Variants in DIAPH1 observed in about 807,000 individuals in gnomAD.
The protein encoded by DIAPH1 is protein diaphanous homolog 1.
In DIAPH1, 46 loss-of-function variants were observed where a neutral mutation model predicts 140.7. The observed-to-expected ratio is 0.33, with a 90% CI of 0.26 to 0.42. The LOEUF (loss-of-function observed/expected upper bound fraction) is 0.42. DIAPH1 is among the 10% of genes least tolerant of loss of function. DIAPH1 has a pLI of 1.00. For synonymous variants in DIAPH1, 565 were observed against 551.6 expected (o/e 1.02, Z -0.34); for missense variants, 1,310 against 1,558.7 (o/e 0.84, Z 2.69).
chr5:141,578,559 T>G lies in DIAPH1; in HGVS notation c.1000A>C (p.Ile334Leu). Residue 334 changes from isoleucine (I) to leucine (L), a missense_variant, in exon 10 of 28, where the codon ATC (isoleucine) becomes CTC (leucine). By Grantham distance (5) the Ile-to-Leu change is conservative. Transcript: ENST00000389054. The part of the protein sequence containing the change: ...PAEELDFRVH[I>L]RSELMRLGLH... ...CCCAAACGCATCAGTTCACTTCTGA[T>G]GTGAACTCGGAAGTCAAGTTCCTCC... 6.2e-7 allele frequency: 1 copy of G among 1,613,914 alleles called. No homozygotes were observed. The highest frequency in any genetic ancestry group is 2.2e-5 in the East Asian group (1 of 44,880).
At chr5:141,583,107 C>T in intron 6 of DIAPH1, 99 bp downstream of exon 6, 1 of 1,075,078 alleles carries the variant, frequency 9.3e-7, no homozygotes, top group Non-Finnish European at 1.5e-6. Flanking sequence ...TCCCCTAGCC[C>T]ACAACTTTAC....
intron 26 of DIAPH1, among the ~76,000 whole-genome samples, chr5:141,525,050 T>G (rs1295718132): frequency 1.3e-5 from 2 of 152,108 alleles, no homozygotes; most frequent in Admixed American, 6.5e-5. Context: ...CTTCCCCCAC[T>G]GCATCCTAGC....
In DIAPH1 at chr5:141,555,129, G is replaced by A. The variant is rs113834219; in HGVS notation, c.2482+16299C>T. 6.8e-3 allele frequency among the ~76,000 whole-genome samples: 1,035 copies of A among 152,168 alleles called. 16 individuals are homozygous for A. The highest frequency in any genetic ancestry group is 0.023 in the African/African-American group (966 of 41,524). On this transcript the variant is annotated intron_variant, in intron 18 of 27. Coordinates refer to ENST00000389054, the MANE Select transcript of DIAPH1 (RefSeq NM_005219.5). ...AAGAAGAACTAAGATACACACACAC[G>A]TCCCCCTCTGATTACAACCATGTAA...
chr5:141,585,230 C>T (rs1266482165), intron 3 of DIAPH1, among the ~76,000 whole-genome samples: 1 of 152,124 alleles, frequency 6.6e-6, no homozygotes, highest in Non-Finnish European at 1.5e-5. Flanking sequence ...GCTGGGATTA[C>T]AGGTGTGAGC....
intron 18 of DIAPH1, among the ~76,000 whole-genome samples, chr5:141,538,552 C>T (rs569830131): frequency 3.9e-5 from 6 of 152,280 alleles, no homozygotes; most frequent in South Asian, 2.1e-4. Flanking sequence ...CCTGCCTCAG[C>T]GTCCCGAGTA....
intron 18 of DIAPH1, among the ~76,000 whole-genome samples, chr5:141,554,917 C>T (rs1159736308): frequency 6.6e-6 from 1 of 151,858 alleles, no homozygotes; most frequent in Non-Finnish European, 1.5e-5. Context: ...ATACCAAAAG[C>T]TACAGGCAAA....
chr5:141,588,163 G>A (rs1301207273), intron 2 of DIAPH1, 61 bp downstream of exon 2: 30 of 1,375,910 alleles, frequency 2.2e-5, no homozygotes, highest in Non-Finnish European at 2.9e-5. Context: ...ATGAAAACTG[G>A]TAAATATGAT....
chr5:141,591,146 C>T (rs1179608707), intron 1 of DIAPH1, among the ~76,000 whole-genome samples: 4 of 152,122 alleles, frequency 2.6e-5, no homozygotes, highest in South Asian at 2.1e-4. Context: ...AAACAGATGA[C>T]GCTGCCTCAA....
At chr5:141,593,581 C>T (rs2099898828) in intron 1 of DIAPH1, among the ~76,000 whole-genome samples, 1 of 152,108 alleles carries the variant, frequency 6.6e-6, no homozygotes, top group Admixed American at 6.6e-5. Context: ...CAACATGTAC[C>T]ACTAGGCACA....
intron 18 of DIAPH1, among the ~76,000 whole-genome samples, chr5:141,567,272 C>T (rs1440591810): frequency 6.6e-6 from 1 of 152,098 alleles, no homozygotes; most frequent in Non-Finnish European, 1.5e-5. Flanking sequence ...GTTTAGGTTC[C>T]TTTTTTATAT....
At chr5:141,543,795 A>C (rs562848293) in intron 18 of DIAPH1, among the ~76,000 whole-genome samples, 2 of 152,306 alleles carry the variant, frequency 1.3e-5, no homozygotes, top group South Asian at 2.1e-4. Flanking sequence ...TACACACACA[A>C]AAAATGGGAT....
chr5:141,545,707 GAAATA>G (rs1182953784), intron 18 of DIAPH1, among the ~76,000 whole-genome samples: 2 of 152,094 alleles, frequency 1.3e-5, no homozygotes, highest in African/African-American at 4.8e-5. Context: ...AGCAAATAAA[GAAATA>G]AAAGAAATTC....
At chr5:141,531,121 T>C (rs181927917) in intron 19 of DIAPH1, among the ~76,000 whole-genome samples, 1 of 152,292 alleles carries the variant, frequency 6.6e-6, no homozygotes, top group African/African-American at 2.4e-5. Flanking sequence ...ACTTAGAGAA[T>C]ATACTTTAAG....
At chr5:141,595,755 G>GT (rs2099899216) in intron 1 of DIAPH1, among the ~76,000 whole-genome samples, 1 of 152,108 alleles carries the variant, frequency 6.6e-6, no homozygotes, top group Non-Finnish European at 1.5e-5. Flanking sequence ...CCAGTCTCAG[G>GT]TATTTCTTCA....
intron 8 of DIAPH1, among the ~76,000 whole-genome samples, chr5:141,579,878 G>T (rs2099896485): frequency 6.6e-6 from 1 of 151,552 alleles, no homozygotes; most frequent in Admixed American, 6.6e-5. Context: ...AACCTGGGAG[G>T]AGGAGTTTGC....
chr5:141,605,911 T>C (rs894114284), intron 1 of DIAPH1, among the ~76,000 whole-genome samples: 1 of 152,160 alleles, frequency 6.6e-6, no homozygotes, highest in East Asian at 1.9e-4. Context: ...CGAACAGCCC[T>C]GGCGGATGCA....
Position 141,618,906 on chromosome 5 carries a change from C to G in DIAPH1, c.9G>C (p.Pro3=), listed in dbSNP as rs1277870477. ME[P]PGGSLGPGRG... ...GGCCGGGCCCCAGGCTCCCGCCGGG[C>G]GGCTCCATGTCCCGGTTCACGCTGG... The change falls in exon 1 of 28, where the codon CCG becomes CCC. Residue 3 remains proline, a synonymous_variant. Coordinates refer to ENST00000389054, the MANE Select transcript of DIAPH1 (RefSeq NM_005219.5). 2 of 1,509,040 alleles carry G rather than the reference C, an allele frequency of 1.3e-6. No individual in the cohort carries two copies. The highest frequency in any genetic ancestry group is 2.9e-5 in the African/African-American group (2 of 69,182). 93.5% of individuals were successfully genotyped at this position (1,509,040 alleles called of 1,614,324 possible).
chr5:141,605,925 A>G (rs1314794187), intron 1 of DIAPH1, among the ~76,000 whole-genome samples: 2 of 152,170 alleles, frequency 1.3e-5, no homozygotes, highest in Non-Finnish European at 2.9e-5. Context: ...GGATGCAAAG[A>G]GCTGCCAACT....
chr5:141,603,380 T>A (rs968899068), intron 1 of DIAPH1, among the ~76,000 whole-genome samples: 1 of 152,166 alleles, frequency 6.6e-6, no homozygotes, highest in Non-Finnish European at 1.5e-5. Context: ...CATAAATAAA[T>A]AATAAACTTG....
Sources: allele counts gnomAD v4.1 joint callset (sites outside exome capture counted in the v4.1 genomes callset), GRCh38; gene constraint gnomAD v4.1.1; transcripts MANE v1.5; gene names NCBI Gene and HGNC (gene_info 2026-07-23, HGNC 2026-07-21).